The following PIGS variants were observed in gnomAD, a reference collection of about 807,000 sequenced individuals.
PIGS encodes the protein GPI-anchor transamidase component PIGS.
PIGS carries 37 observed loss-of-function variants against 58.2 expected under a neutral mutation model. The ratio of observed to expected loss-of-function variants is 0.64; its 90% CI spans 0.49 to 0.84. PIGS has a LOEUF of 0.84. Among genes scored for constraint, PIGS ranks in the 40% least tolerant of loss-of-function variants. The pLI is 0.00. For missense variants in PIGS, 629 were observed against 710.8 expected, an observed-to-expected ratio of 0.88 and a Z score of 1.31; for synonymous variants, 269 against 289.2, an observed-to-expected ratio of 0.93 and a Z score of 0.71.
Position 28,561,582 on chromosome 17 carries a change from C to A in PIGS, c.516G>T (p.Gly172=), listed in dbSNP as rs1014738333. The change falls in exon 6 of 12, where the codon GGG becomes GGT. Residue 172 remains glycine, a synonymous_variant. Coordinates refer to ENST00000308360, the MANE Select transcript of PIGS (RefSeq NM_033198.4). ...IGPKRTAVVR[G]IMHREAFNII... The stretch of plus-strand genomic sequence containing the variant: ...TGTTAAAGGCCTCCCGGTGCATTAT[C>A]CCCCGCACCACTGCTGTCCTCTTGG... 2.5e-6 allele frequency: 4 copies of A among 1,613,544 alleles called. No homozygotes were observed. In the South Asian group the frequency reaches 3.3e-5, roughly 13 times the overall value.
chr17:28,561,779 TCTGAG>T, intron 5 of PIGS, 150 bp from the exon 6 acceptor site: 1 of 704,508 alleles, frequency 1.4e-6, no homozygotes, highest in Non-Finnish European at 2.3e-6. Flanking sequence ...ACTCAGCATT[TCTGAG>T]CTATGAGTAT....
intron 10 of PIGS, 21 bp downstream of exon 10, chr17:28,556,145 G>C: frequency 6.3e-7 from 1 of 1,587,880 alleles, no homozygotes; most frequent in Non-Finnish European, 8.6e-7. Context: ...ATGTCCCCAA[G>C]TGGATCATCC....
At chr17:28,556,693 C>T (rs2070330941) in intron 9 of PIGS, 134 bp downstream of exon 9, 2 of 1,227,136 alleles carry the variant, frequency 1.6e-6, no homozygotes, top group Non-Finnish European at 2.2e-6. Context: ...AGCACCCTCA[C>T]CTTCCTGGTG....
chr17:28,558,521 T>C lies in PIGS; in HGVS notation c.889A>G (p.Met297Val). ...TTGATGACATGGGGGAGGCTGTGCA[T>C]GTCCAAATAGTAGCTGGAGGAAGCT... ...DSASSSYYLDMHSLPHVINPV... is the reference protein window; with the variant it reads ...DSASSSYYLDVHSLPHVINPV... Residue 297 changes from methionine (M) to valine (V), a missense_variant, in exon 8 of 12, where the codon ATG (methionine) becomes GTG (valine). Met to Val is a conservative substitution (Grantham distance 21). Coordinates refer to ENST00000308360, the MANE Select transcript of PIGS (RefSeq NM_033198.4). The C allele has an allele frequency of 6.2e-7, 1 of 1,613,408 alleles. No individual in the cohort carries two copies. Among genetic ancestry groups the C allele is most frequent in the Non-Finnish European group, 8.5e-7 (1 of 1,179,832 alleles).
At chr17:28,558,125 T>G (rs2070341794) in intron 8 of PIGS, among the ~76,000 whole-genome samples, 1 of 152,056 alleles carries the variant, frequency 6.6e-6, no homozygotes, top group Non-Finnish European at 1.5e-5. Flanking sequence ...GGCAACATAA[T>G]GAGATCCTGT....
Position 28,560,100 on chromosome 17 carries a change from T to C in PIGS, c.768A>G (p.Gln256=), listed in dbSNP as rs2070354039. ...CGGCACCGAGGGCATTCAGGAAAGG[T>C]TGCACATAGCGCCGGACAGCCCCCT... ...DIEGAVRRYV[Q]PFLNALGAAG... is the part of the protein sequence containing the mutation. The change falls in exon 7 of 12, where the codon CAA becomes CAG. Residue 256 remains glutamine (Q), a synonymous_variant. Coordinates refer to ENST00000308360, the MANE Select transcript of PIGS (RefSeq NM_033198.4). The C allele has an allele frequency of 1.2e-6, 2 of 1,613,068 alleles. No individual in the cohort carries two copies. The highest frequency in any genetic ancestry group is 1.3e-5 in the African/African-American group (1 of 74,848).
In PIGS at chr17:28,570,776, C is replaced by A. The variant is rs1406499485; in HGVS notation, c.286+76G>T. On this transcript the variant is annotated intron_variant, in intron 3 of 11. Coordinates refer to ENST00000308360, the MANE Select transcript of PIGS (RefSeq NM_033198.4). Reference sequence around the variant, plus strand: ...AGTTTTTAACTGCGTTTATGGTACACCCCCGCTCCTCCCACCCAACTCAGC... The same window carrying A: ...AGTTTTTAACTGCGTTTATGGTACAACCCCGCTCCTCCCACCCAACTCAGC... 3 of 1,410,966 alleles carry A rather than the reference C, an allele frequency of 2.1e-6. No individual in the cohort carries two copies. In the Admixed American group the frequency reaches 5.1e-5, roughly 24 times the overall value. The allele number at this position is 1,410,966 out of a possible 1,614,324, so 87.4% of individuals were successfully genotyped here.
At chr17:28,558,667 TA>T in intron 7 of PIGS, 77 bp from the exon 8 acceptor site, 1 of 1,152,002 alleles carries the variant, frequency 8.7e-7, no homozygotes, top group Non-Finnish European at 1.3e-6. Flanking sequence ...TGAGGTGCCT[TA>T]AAAAAGACAC....
intron 5 of PIGS, 78 bp from the exon 6 acceptor site, chr17:28,561,707 G>C (rs8074623): frequency 7.0e-7 from 1 of 1,432,610 alleles, no homozygotes; most frequent in African/African-American, 1.4e-5. Flanking sequence ...CTACTGTTCC[G>C]AATCTGCCCC....
In PIGS at chr17:28,556,239, T is replaced by C; in HGVS notation, c.1108A>G (p.Asn370Asp). 6.2e-7 allele frequency: 1 copy of C among 1,613,618 alleles called. No homozygotes were observed. Among genetic ancestry groups the C allele is most frequent in the Non-Finnish European group, 8.5e-7 (1 of 1,179,540 alleles). Reference protein sequence around the residue: ...MVYNVDSKTYNASVLPVRVEV... With the variant: ...MVYNVDSKTYDASVLPVRVEV... ...ACTCTCACTGGCAGCACTGAGGCAT[T>C]ATAGGTTTTGGAGTCAACATTATAT... Residue 370 changes from asparagine to aspartate, a missense_variant, in exon 10 of 12, where the codon AAT becomes GAT. Coordinates refer to ENST00000308360, the MANE Select transcript of PIGS (RefSeq NM_033198.4).
intron 3 of PIGS, among the ~76,000 whole-genome samples, chr17:28,569,205 G>C (rs1473724024): frequency 6.6e-6 from 1 of 151,604 alleles, no homozygotes; most frequent in South Asian, 2.1e-4. Context: ...GCCGGGTGCG[G>C]TGGCTCACAC....
chr17:28,554,493 C>T lies in PIGS; in HGVS notation c.1395G>A (p.Val465=), dbSNP rs769638187. The T allele has an allele frequency of 5.6e-6, 9 of 1,613,610 alleles. No individual in the cohort carries two copies. The highest frequency in any genetic ancestry group is 2.7e-5 in the African/African-American group (2 of 74,896). Reference sequence around the variant, plus strand: ...TCTGGACGGCAGCTACAGCCTTGTACACCTAGGAAGGAGAAGGGACAAGAG... The same window carrying T: ...TCTGGACGGCAGCTACAGCCTTGTATACCTAGGAAGGAGAAGGGACAAGAG... ...IVIKDDVASE[V]YKAVAAVQKS... Residue 465 remains valine (V), a splice_region_variant and synonymous_variant, in exon 12 of 12, where the codon GTG becomes GTA. Coordinates refer to ENST00000308360, the MANE Select transcript of PIGS (RefSeq NM_033198.4).
chr17:28,557,191 C>T (rs1020778294), intron 8 of PIGS: 40 of 538,050 alleles, frequency 7.4e-5, no homozygotes, highest in African/African-American at 6.1e-4. Context: ...TCCAAAACAC[C>T]CCCGAATTCT....
Position 28,558,473 on chromosome 17 carries a change from C to T in PIGS, c.934+3G>A. The stretch of plus-strand genomic sequence containing the variant: ...AGAAAGACCCTCATCCTTAGGTGCT[C>T]ACCCAGCCGGGACTCCACTGGGTTG... On this transcript the variant is annotated splice_donor_region_variant and intron_variant, in intron 8 of 11. Coordinates refer to ENST00000308360, the MANE Select transcript of PIGS (RefSeq NM_033198.4). 1.2e-6 allele frequency: 2 copies of T among 1,604,522 alleles called. No individual in the cohort carries two copies. Among genetic ancestry groups the T allele is most frequent in the Non-Finnish European group, 1.7e-6 (2 of 1,173,316 alleles).
chr17:28,563,930 C>T, intron 3 of PIGS, 23 bp from the exon 4 acceptor site: 1 of 1,594,566 alleles, frequency 6.3e-7, no homozygotes, highest in African/African-American at 1.3e-5. Flanking sequence ...AGAAGTAGCA[C>T]AATGAAAAGG....
chr17:28,556,805 G>A (rs750395208), intron 9 of PIGS, 22 bp downstream of exon 9: 10 of 1,610,240 alleles, frequency 6.2e-6, no homozygotes, highest in African/African-American at 1.3e-5. Context: ...GGGCTCTGGG[G>A]TCTGCGTAGT....
intron 9 of PIGS, 78 bp downstream of exon 9, chr17:28,556,749 A>C (rs1366670973): frequency 6.5e-7 from 1 of 1,532,616 alleles, no homozygotes; most frequent in Non-Finnish European, 8.8e-7. Flanking sequence ...CAGAAGGAAA[A>C]CAGAAGGAAC....
At position 28,570,936 on chromosome 17, in the gene PIGS, C is replaced by T; in HGVS notation, c.202G>A (p.Val68Met). 6.2e-7 allele frequency: 1 copy of T among 1,614,220 alleles called. No homozygotes were observed. Among genetic ancestry groups the T allele is most frequent in the Non-Finnish European group, 8.5e-7 (1 of 1,180,038 alleles). The change falls in exon 3 of 12, where the codon GTG becomes ATG. Residue 68 changes from valine to methionine, a missense_variant. Transcript: ENST00000308360. ...QLRLMVPVTV[V>M]FTRESVPLDD... Reference sequence around the variant, plus strand: ...AGGGGCACTGACTCCCGCGTAAACACGACAGTGACAGGCACCATGAGGCGG... The same window carrying T: ...AGGGGCACTGACTCCCGCGTAAACATGACAGTGACAGGCACCATGAGGCGG...
chr17:28,559,620 G>C (rs1334595398), intron 7 of PIGS, among the ~76,000 whole-genome samples: 7 of 148,802 alleles, frequency 4.7e-5, no homozygotes, highest in Admixed American at 2.7e-4. Flanking sequence ...AGAATCGCTT[G>C]AACCTGGGAG....
Sources: allele counts gnomAD v4.1 joint callset (sites outside exome capture counted in the v4.1 genomes callset), GRCh38; gene constraint gnomAD v4.1.1; transcripts MANE v1.5; gene names NCBI Gene and HGNC (gene_info 2026-07-23, HGNC 2026-07-21).